Variants in SCN2A observed in about 807,000 individuals in gnomAD.
SCN2A encodes the protein sodium channel protein type 2 subunit alpha.
A neutral mutation model predicts 188.7 loss-of-function variants in SCN2A; 20 were observed. The ratio of observed to expected loss-of-function variants is 0.11; its 90% CI spans 0.07 to 0.15. The LOEUF (loss-of-function observed/expected upper bound fraction) is 0.15, where lower values mean the gene tolerates loss of function less well. Among genes scored for constraint, SCN2A ranks in the 10% least tolerant of loss-of-function variants. The probability of loss-of-function intolerance (pLI) is 1.00; values close to 1 mark genes in which losing one functional copy is unlikely to be tolerated. For synonymous variants in SCN2A, 804 were observed against 833.1 expected (o/e 0.97, Z 0.60); for missense variants, 1,278 against 2,445.0 (o/e 0.52, Z 10.07).
intron 1 of SCN2A, among the ~76,000 whole-genome samples, chr2:165,281,651 C>G (rs1015921733): frequency 5.9e-5 from 9 of 152,078 alleles, no homozygotes; most frequent in Non-Finnish European, 1.2e-4. Flanking sequence ...GAGTTCTGAG[C>G]AGAATAGTGA....
intron 1 of SCN2A, among the ~76,000 whole-genome samples, chr2:165,262,238 A>G (rs575416848): frequency 3.3e-5 from 5 of 152,104 alleles, no homozygotes; most frequent in Admixed American, 6.6e-5. Context: ...AAAAATTTCA[A>G]TAGGTTTTTG....
chr2:165,361,193 T>G (rs927414255), intron 17 of SCN2A, among the ~76,000 whole-genome samples: 2 of 152,010 alleles, frequency 1.3e-5, no homozygotes, highest in Admixed American at 1.3e-4. Context: ...TTCCTGCCTA[T>G]GTTTCAAGAT....
intron 1 of SCN2A, among the ~76,000 whole-genome samples, chr2:165,291,035 C>CTTTTTTTTTTTTT (rs55979694): frequency 7.5e-5 from 6 of 79,968 alleles, no homozygotes; most frequent in Admixed American, 1.9e-4. Context: ...TCTTTTCTTT[C>CTTTTTTTTTTTTT]TTTTTTTTTT....
chr2:165,323,391 C>T lies in SCN2A; in HGVS notation c.1907C>T (p.Pro636Leu). The T allele has an allele frequency of 6.2e-7, 1 of 1,614,116 alleles. No homozygotes were observed. ...GCCAGCCGTGCCTCCAGGGTGCTCC[C>T]CATCCTGCCCATGAATGGGAAGATG... ...SQASRASRVLPILPMNGKMHS... is the reference protein window; with the variant it reads ...SQASRASRVLLILPMNGKMHS... Residue 636 changes from proline to leucine, a missense_variant, in exon 12 of 27, where the codon CCC (proline) becomes CTC (leucine). This residue lies in a region of SCN2A where 315 missense variants were observed against 386.6 expected (regional missense o/e 0.81). Coordinates refer to ENST00000375437, the MANE Select transcript of SCN2A (RefSeq NM_001040142.2).
chr2:165,250,904 T>C (rs1694061213), intron 1 of SCN2A, among the ~76,000 whole-genome samples: 1 of 152,080 alleles, frequency 6.6e-6, no homozygotes, highest in Admixed American at 6.6e-5. Flanking sequence ...GAGATTCTGG[T>C]TTCCCAGATT....
intron 1 of SCN2A, among the ~76,000 whole-genome samples, chr2:165,256,042 G>T (rs1453905763): frequency 6.6e-5 from 8 of 121,604 alleles, no homozygotes; most frequent in African/African-American, 2.6e-4. Flanking sequence ...CTCTCGCTCT[G>T]TCGCCCAGGC....
intron 1 of SCN2A, among the ~76,000 whole-genome samples, chr2:165,252,616 A>C (rs1359820967): frequency 3.6e-5 from 4 of 111,008 alleles, no homozygotes; most frequent in African/African-American, 1.2e-4. Context: ...GGATTGTGAC[A>C]AAAAAAAGGT....
intron 16 of SCN2A, among the ~76,000 whole-genome samples, chr2:165,352,000 A>G (rs1457354746): frequency 1.3e-5 from 2 of 152,006 alleles, no homozygotes; most frequent in Non-Finnish European, 2.9e-5. Context: ...TAAATAGAGT[A>G]TTTGTCCAGT....
chr2:165,308,024 C>T, intron 4 of SCN2A, 87 bp downstream of exon 4: 3 of 889,174 alleles, frequency 3.4e-6, no homozygotes, highest in Middle Eastern at 3.0e-4. Context: ...ATTTCTTTAA[C>T]AAATCATGCT....
intron 16 of SCN2A, among the ~76,000 whole-genome samples, chr2:165,351,562 A>G (rs1699919553): frequency 1.7e-5 from 2 of 118,030 alleles, no homozygotes; most frequent in Non-Finnish European, 3.5e-5. Flanking sequence ...AAGACCTTGT[A>G]GTTAGACTTT....
intron 1 of SCN2A, chr2:165,268,757 G>GCACA (rs147178338): frequency 1.3e-5 from 2 of 150,228 alleles, no homozygotes; most frequent in South Asian, 2.1e-4. Flanking sequence ...ATAAAGAATT[G>GCACA]CACACACACA....
chr2:165,284,659 A>G (rs975397727), intron 1 of SCN2A, among the ~76,000 whole-genome samples: 5 of 152,168 alleles, frequency 3.3e-5, no homozygotes, highest in Admixed American at 1.3e-4. Context: ...AGAAATGAGG[A>G]AAACTGAGCT....
chr2:165,320,199 G>T (rs1381749544), intron 11 of SCN2A: 1 of 152,242 alleles, frequency 6.6e-6, no homozygotes, highest in Non-Finnish European at 1.5e-5. Flanking sequence ...AAATCTTAAA[G>T]CTCAAAAATG....
chr2:165,308,901 G>C lies in SCN2A; in HGVS notation c.605+107G>C, dbSNP rs189010011. 2.5e-4 allele frequency: 343 copies of C among 1,382,130 alleles called. 1 individual carries two copies. The highest frequency in any genetic ancestry group is 5.9e-5 in the Non-Finnish European group (58 of 989,694). 85.6% of individuals were successfully genotyped at this position (1,382,130 alleles called of 1,614,324 possible). ...CTTGACAGACCAAGCATTTTTCTTA[G>C]TAATCATAGTTTTCTTCCAATCAAA... On this transcript the variant is annotated intron_variant, in intron 5 of 26. Coordinates refer to ENST00000375437, the MANE Select transcript of SCN2A (RefSeq NM_001040142.2).
intron 6 of SCN2A, among the ~76,000 whole-genome samples, 153 bp from the exon 7 acceptor site, chr2:165,310,170 T>C (rs1697353143): frequency 1.3e-5 from 2 of 152,160 alleles, no homozygotes; most frequent in African/African-American, 4.8e-5. Context: ...AGCAGGCTTT[T>C]CATGAAAATG....
chr2:165,389,526 T>C lies in SCN2A; in HGVS notation c.5720T>C (p.Val1907Ala), dbSNP rs1702042482. 2 of 1,613,722 alleles carry C rather than the reference T, an allele frequency of 1.2e-6. No individual in the cohort carries two copies. The highest frequency in any genetic ancestry group is 2.2e-5 in the South Asian group (2 of 91,078). Residue 1907 changes from valine to alanine, a missense_variant, in exon 27 of 27, where the codon GTG becomes GCG. Val to Ala is a moderately conservative substitution (Grantham distance 64). Around this residue, in one of 17 missense-constraint regions of SCN2A, gnomAD observed 109 missense variants for 137.9 expected, o/e 0.79. Transcript: ENST00000375437. This position sits in a 1 kb window ranked among gnomAD's most constrained non-coding sequence, Gnocchi z 4.2. ...ACGTTGAAACGCAAACAAGAGGAGG[T>C]GTCTGCTATTATTATCCAGAGGGCT... is the stretch of plus-strand genomic sequence containing the variant. ...TTTLKRKQEE[V>A]SAIIIQRAYR... is the part of the protein sequence containing the mutation.
chr2:165,326,724 T>C (rs1698377793), intron 12 of SCN2A, 128 bp from the exon 13 acceptor site: 1 of 1,102,188 alleles, frequency 9.1e-7, no homozygotes, highest in Non-Finnish European at 1.4e-6. Context: ...TCCAACAATA[T>C]CTTAGTGAGC....
intron 1 of SCN2A, chr2:165,273,689 A>T (rs573504402): frequency 3.0e-4 from 46 of 152,246 alleles, no homozygotes; most frequent in African/African-American, 9.4e-4. Flanking sequence ...AAAATGTATG[A>T]GTCATTTCTT....
At chr2:165,294,010 T>TAAAAAAAAA (rs67417831) in intron 1 of SCN2A, 28 of 151,002 alleles carry the variant, frequency 1.9e-4, no homozygotes, top group Non-Finnish European at 2.2e-4. Flanking sequence ...GAAGGAGAAT[T>TAAAAAAAAA]AAAAAAAAAA....
Sources: gnomAD v4.1 joint callset for allele counts (sites outside exome capture counted in the v4.1 genomes callset) on GRCh38, gnomAD v4.1.1 for gene constraint, gnomAD v4.1.1 regional missense constraint, Gnocchi (gnomAD v3.1) non-coding constraint, MANE v1.5 for transcripts, NCBI Gene and HGNC (gene_info 2026-07-23, HGNC 2026-07-21) for gene names.